The following ANO10 variants were observed in gnomAD, a reference collection of about 807,000 sequenced individuals.
ANO10 encodes anoctamin-10.
Under a neutral mutation model 74.7 loss-of-function variants are expected in ANO10, and 77 were observed. That is an observed-to-expected ratio of 1.03 (90% confidence interval 0.86 to 1.25). The LOEUF (loss-of-function observed/expected upper bound fraction) is 1.25. ANO10 is among the 50% of genes most tolerant of loss of function. The pLI is 0.00. For synonymous variants in ANO10, 279 were observed against 284.9 expected, an observed-to-expected ratio of 0.98 and a Z score of 0.21; for missense variants, 721 against 778.1, an observed-to-expected ratio of 0.93 and a Z score of 0.87.
chr3:43,405,033 A>C (rs945258274), intron 12 of ANO10, among the ~76,000 whole-genome samples: 4 of 152,254 alleles, frequency 2.6e-5, no homozygotes, highest in African/African-American at 9.6e-5. Context: ...ATTAGTTACA[A>C]AACTTTTTAC....
chr3:43,515,511 C>T (rs1012559129), intron 11 of ANO10, among the ~76,000 whole-genome samples: 4 of 151,632 alleles, frequency 2.6e-5, no homozygotes, highest in Non-Finnish European at 5.9e-5. Flanking sequence ...GCTTGGCCTC[C>T]ATAACTGCAT....
chr3:43,551,963 T>C (rs945722239), intron 10 of ANO10, among the ~76,000 whole-genome samples: 7 of 152,200 alleles, frequency 4.6e-5, no homozygotes, highest in Non-Finnish European at 1.0e-4. Context: ...GCTGGTCATT[T>C]CCTTGTTTTC....
intron 4 of ANO10, 86 bp downstream of exon 4, chr3:43,598,446 A>G: frequency 7.5e-7 from 1 of 1,341,024 alleles, no homozygotes; most frequent in South Asian, 1.3e-5. Flanking sequence ...AAGTTTGTGT[A>G]AGTTCTTCTG....
At chr3:43,502,435 C>CA in intron 11 of ANO10, among the ~76,000 whole-genome samples, 1 of 152,122 alleles carries the variant, frequency 6.6e-6, no homozygotes, top group Non-Finnish European at 1.5e-5. Context: ...AAGAGCCTGG[C>CA]ACCTCCCCGC....
chr3:43,406,608 C>T (rs532001509), intron 12 of ANO10, among the ~76,000 whole-genome samples: 22 of 152,286 alleles, frequency 1.4e-4, no homozygotes, highest in Admixed American at 7.8e-4. Flanking sequence ...CACATGCCAC[C>T]GATTCATGAC....
At chr3:43,472,606 G>C (rs1354096412) in intron 11 of ANO10, 1 of 151,782 alleles carries the variant, frequency 6.6e-6, no homozygotes, top group African/African-American at 2.4e-5. Flanking sequence ...AAAAAAGACA[G>C]AGAGAGAGAC....
chr3:43,574,257 G>A (rs933783137), intron 7 of ANO10, among the ~76,000 whole-genome samples: 16 of 140,316 alleles, frequency 1.1e-4, no homozygotes, highest in African/African-American at 2.4e-4. Flanking sequence ...TGTCTGGCCC[G>A]TTAGTTTCCT....
At chr3:43,671,409 T>C (rs1024080685) in intron 1 of ANO10, among the ~76,000 whole-genome samples, 5 of 152,118 alleles carry the variant, frequency 3.3e-5, no homozygotes, top group African/African-American at 1.2e-4. Flanking sequence ...GATCCTCCAA[T>C]GGTGCATGCC....
chr3:43,428,660 C>T (rs2092933721), intron 12 of ANO10, among the ~76,000 whole-genome samples: 1 of 151,876 alleles, frequency 6.6e-6, no homozygotes, highest in Admixed American at 6.6e-5. Flanking sequence ...AGAATCAGAT[C>T]TATGTCCTCA....
At chr3:43,572,857 G>A (rs181823480) in intron 7 of ANO10, among the ~76,000 whole-genome samples, 124 of 152,248 alleles carry the variant, frequency 8.1e-4, no homozygotes, top group African/African-American at 2.7e-3. Flanking sequence ...CAACACGACC[G>A]CAGGACAGGG....
intron 1 of ANO10, among the ~76,000 whole-genome samples, chr3:43,652,761 A>G (rs750785830): frequency 1.3e-5 from 2 of 151,902 alleles, no homozygotes; most frequent in African/African-American, 4.8e-5. Flanking sequence ...GCATGTTATC[A>G]AGGCAAAATA....
At chr3:43,671,695 T>C (rs2084061420) in intron 1 of ANO10, among the ~76,000 whole-genome samples, 1 of 151,950 alleles carries the variant, frequency 6.6e-6, no homozygotes, top group East Asian at 1.9e-4. Flanking sequence ...TATATACAAA[T>C]GATGGTTTAA....
chr3:43,582,844 A>G (rs1025612903), intron 4 of ANO10, among the ~76,000 whole-genome samples: 6 of 152,094 alleles, frequency 3.9e-5, no homozygotes. Context: ...TAATTCTAAC[A>G]TGGTTCAGTG....
chr3:43,543,679 G>A (rs1023434934), intron 11 of ANO10, among the ~76,000 whole-genome samples: 4 of 152,216 alleles, frequency 2.6e-5, no homozygotes, highest in Non-Finnish European at 4.4e-5. Flanking sequence ...GAGCTACTGC[G>A]CCCGGCCTCA....
intron 12 of ANO10, among the ~76,000 whole-genome samples, chr3:43,415,225 C>T (rs1447328501): frequency 6.6e-6 from 1 of 151,988 alleles, no homozygotes; most frequent in South Asian, 2.1e-4. Flanking sequence ...GATCTGCCCG[C>T]CTTGGCCTCC....
At chr3:43,448,407 T>C (rs2093280441) in intron 11 of ANO10, among the ~76,000 whole-genome samples, 1 of 152,236 alleles carries the variant, frequency 6.6e-6, no homozygotes, top group South Asian at 2.1e-4. Flanking sequence ...TCTATAGTTT[T>C]GTCTTTTCTA....
chr3:43,662,241 G>T (rs2083934788), intron 1 of ANO10, among the ~76,000 whole-genome samples: 1 of 152,146 alleles, frequency 6.6e-6, no homozygotes, highest in Non-Finnish European at 1.5e-5. Flanking sequence ...TAGAACTCAG[G>T]ATTAAGAATC....
At position 43,442,128 on chromosome 3, in the gene ANO10, A is replaced by G. The variant is rs1323042468; in HGVS notation, c.1798-9401T>C. Among the ~76,000 whole-genome samples the G allele has an allele frequency of 2.6e-5, 4 of 152,308 alleles. No individual in the cohort carries two copies. The East Asian group carries it at 7.7e-4, about 29-fold the overall frequency. ...TGCTTAGTCTTGCCACTTCCTGTCA[A>G]CAAAGTACTGGAAGTCCAGTACTTT... On this transcript the variant is annotated intron_variant, in intron 11 of 12. Coordinates refer to ENST00000292246, the MANE Select transcript of ANO10 (RefSeq NM_018075.5).
chr3:43,568,690 G>A (rs1162760004), intron 7 of ANO10, among the ~76,000 whole-genome samples: 2 of 148,986 alleles, frequency 1.3e-5, no homozygotes. Context: ...AAAGCAGTGT[G>A]TAGAGGGAAA....
Sources: allele counts gnomAD v4.1 joint callset (sites outside exome capture counted in the v4.1 genomes callset), GRCh38; gene constraint gnomAD v4.1.1; transcripts MANE v1.5; gene names NCBI Gene and HGNC (gene_info 2026-07-23, HGNC 2026-07-21).